Variants in ZCCHC7 observed in about 807,000 individuals in gnomAD.
ZCCHC7 encodes the protein zinc finger CCHC domain-containing protein 7.
ZCCHC7 carries 35 observed loss-of-function variants against 52.0 expected under a neutral mutation model. The observed-to-expected ratio is 0.67, with a 90% CI of 0.51 to 0.89. The LOEUF is 0.89. Ranked by LOEUF, ZCCHC7 falls within the 40% of genes least tolerant of loss-of-function variation. The pLI, the probability that ZCCHC7 is intolerant of heterozygous loss-of-function variation, is 0.00. For missense variants in ZCCHC7, 574 were observed against 649.1 expected, an observed-to-expected ratio of 0.88 and a Z score of 1.26; for synonymous variants, 217 against 221.5, an observed-to-expected ratio of 0.98 and a Z score of 0.18.
chr9:37,149,141 G>A (rs865831290), intron 2 of ZCCHC7, among the ~76,000 whole-genome samples: 6 of 152,096 alleles, frequency 3.9e-5, no homozygotes, highest in South Asian at 2.1e-4. Context: ...GTTAATTTCT[G>A]CTTATAGTTT....
At chr9:37,222,818 A>G (rs1442883622) in intron 2 of ZCCHC7, among the ~76,000 whole-genome samples, 2 of 152,194 alleles carry the variant, frequency 1.3e-5, no homozygotes, top group East Asian at 1.9e-4. Context: ...ATCTAATTAC[A>G]TAAAATAGTC....
chr9:37,295,338 A>C (rs1462565155), intron 2 of ZCCHC7, among the ~76,000 whole-genome samples: 2 of 152,206 alleles, frequency 1.3e-5, no homozygotes, highest in African/African-American at 4.8e-5. Context: ...CCAAATCATG[A>C]AAGTAAAGGC....
At chr9:37,197,971 A>G (rs1672166948) in intron 2 of ZCCHC7, among the ~76,000 whole-genome samples, 2 of 152,180 alleles carry the variant, frequency 1.3e-5, no homozygotes, top group Admixed American at 6.5e-5. Context: ...ATGACTGTCT[A>G]TAAGGAAAAA....
chr9:37,258,610 G>A (rs1002961824), intron 2 of ZCCHC7, among the ~76,000 whole-genome samples: 3 of 151,686 alleles, frequency 2.0e-5, no homozygotes, highest in Admixed American at 1.3e-4. Context: ...ACAAAAATTG[G>A]CGTGGCACAT....
chr9:37,249,394 AAATCCAGC>A (rs547697019), intron 2 of ZCCHC7, among the ~76,000 whole-genome samples: 36 of 151,214 alleles, frequency 2.4e-4, no homozygotes, highest in African/African-American at 8.5e-4. Flanking sequence ...TAAAGCCAGG[AAATCCAGC>A]AATAAAGAAT....
chr9:37,199,887 G>T (rs1050703902), intron 2 of ZCCHC7, among the ~76,000 whole-genome samples: 10 of 147,030 alleles, frequency 6.8e-5, no homozygotes, highest in Middle Eastern at 3.8e-3. Context: ...TGTATTTTTA[G>T]TAGAGACGGG....
chr9:37,246,771 G>A (rs1826097409), intron 2 of ZCCHC7, among the ~76,000 whole-genome samples: 2 of 152,010 alleles, frequency 1.3e-5, no homozygotes, highest in African/African-American at 2.4e-5. Flanking sequence ...TTTTTGTATC[G>A]ATGGGTTCTA....
At chr9:37,348,451 C>A (rs1232910510) in intron 6 of ZCCHC7, among the ~76,000 whole-genome samples, 2 of 151,208 alleles carry the variant, frequency 1.3e-5, no homozygotes, top group Non-Finnish European at 2.9e-5. Context: ...GCGATCTTGG[C>A]TCACTGCAAC....
intron 2 of ZCCHC7, among the ~76,000 whole-genome samples, chr9:37,228,257 G>A (rs1825218354): frequency 6.6e-6 from 1 of 152,016 alleles, no homozygotes; most frequent in Non-Finnish European, 1.5e-5. Flanking sequence ...AAGCATGAAG[G>A]AACCCTTTGG....
intron 2 of ZCCHC7, among the ~76,000 whole-genome samples, chr9:37,281,889 A>G (rs1013308684): frequency 2.0e-5 from 3 of 152,230 alleles, no homozygotes; most frequent in African/African-American, 4.8e-5. Flanking sequence ...ACAATATGCA[A>G]ATACAGCTAA....
intron 2 of ZCCHC7, among the ~76,000 whole-genome samples, chr9:37,188,367 C>G (rs960179519): frequency 1.3e-5 from 2 of 151,794 alleles, no homozygotes; most frequent in African/African-American, 4.8e-5. Flanking sequence ...TTGCCCCAGT[C>G]TGGTCTCGAA....
intron 2 of ZCCHC7, among the ~76,000 whole-genome samples, chr9:37,217,715 A>G (rs1428107571): frequency 6.6e-6 from 1 of 152,196 alleles, no homozygotes; most frequent in Non-Finnish European, 1.5e-5. Flanking sequence ...TTCCAACAGT[A>G]TCTTGTACTT....
intron 2 of ZCCHC7, among the ~76,000 whole-genome samples, chr9:37,273,315 A>T (rs1827517856): frequency 6.6e-6 from 1 of 152,168 alleles, no homozygotes; most frequent in Non-Finnish European, 1.5e-5. Flanking sequence ...CATCCTGGCT[A>T]ACACAGTGAA....
intron 2 of ZCCHC7, among the ~76,000 whole-genome samples, chr9:37,129,269 A>G (rs1013215780): frequency 3.9e-5 from 6 of 152,224 alleles, no homozygotes; most frequent in Non-Finnish European, 7.3e-5. Flanking sequence ...ACTGTGCCAT[A>G]TTTGGCAAAT....
intron 2 of ZCCHC7, among the ~76,000 whole-genome samples, chr9:37,270,497 C>T (rs757154603): frequency 4.6e-5 from 7 of 151,898 alleles, no homozygotes; most frequent in Non-Finnish European, 7.4e-5. Context: ...TCAAAACCAG[C>T]CTGGCCAACA....
intron 2 of ZCCHC7, among the ~76,000 whole-genome samples, chr9:37,175,369 TA>T (rs1485901127): frequency 2.0e-5 from 3 of 152,110 alleles, no homozygotes; most frequent in Non-Finnish European, 4.4e-5. Flanking sequence ...CTGTGATTCC[TA>T]ATATTTCTTC....
Position 37,331,094 on chromosome 9 carries a change from T to C in ZCCHC7, c.987+3260T>C, listed in dbSNP as rs557076573. 7.9e-5 allele frequency among the ~76,000 whole-genome samples: 12 copies of C among 151,886 alleles called. No individual in the cohort carries two copies. In the East Asian group the frequency reaches 2.1e-3, roughly 27 times the overall value. On this transcript the variant is annotated intron_variant, in intron 6 of 8. Transcript: ENST00000336755. ...AATGTATTTCAACCCTACTGCCTTT[T>C]ATTTTAACTGAAGGTTTAAGCAGGA...
intron 5 of ZCCHC7, among the ~76,000 whole-genome samples, chr9:37,307,826 T>C (rs1829400494): frequency 6.6e-6 from 1 of 152,180 alleles, no homozygotes; most frequent in Admixed American, 6.5e-5. Flanking sequence ...AAATTTATAC[T>C]TAAATTGTTA....
At chr9:37,237,759 C>T (rs775006334) in intron 2 of ZCCHC7, among the ~76,000 whole-genome samples, 2 of 152,186 alleles carry the variant, frequency 1.3e-5, no homozygotes, top group Non-Finnish European at 2.9e-5. Context: ...AGAGCACAAT[C>T]AGTTTCTCCT....
Sources: allele counts gnomAD v4.1 joint callset (sites outside exome capture counted in the v4.1 genomes callset), GRCh38; gene constraint gnomAD v4.1.1; transcripts MANE v1.5; gene names NCBI Gene and HGNC (gene_info 2026-07-23, HGNC 2026-07-21).